The following GABRG3 variants were observed in gnomAD, a reference collection of about 807,000 sequenced individuals.
GABRG3 encodes the protein gamma-aminobutyric acid receptor subunit gamma-3.
GABRG3 carries 25 observed loss-of-function variants against 48.8 expected under a neutral mutation model. That is an observed-to-expected ratio of 0.51 (90% CI 0.37 to 0.72). GABRG3 has a LOEUF of 0.72. Ranked by LOEUF, GABRG3 falls within the 30% of genes least tolerant of loss-of-function variation. The pLI is 0.00. For synonymous variants in GABRG3, 227 were observed against 217.6 expected, an observed-to-expected ratio of 1.04 and a Z score of -0.38; for missense variants, 394 against 577.9, an observed-to-expected ratio of 0.68 and a Z score of 3.26.
chr15:26,986,038 C>G (rs1895145636), intron 2 of GABRG3, among the ~76,000 whole-genome samples: 1 of 152,036 alleles, frequency 6.6e-6, no homozygotes, highest in African/African-American at 2.4e-5. Flanking sequence ...GCCGGACCAC[C>G]CCTCTGACTC....
intron 3 of GABRG3, among the ~76,000 whole-genome samples, chr15:27,250,054 C>G (rs1352465345): frequency 6.6e-6 from 1 of 152,130 alleles, no homozygotes; most frequent in East Asian, 1.9e-4. Flanking sequence ...CCTCCATCCT[C>G]CTGTCTGTTC....
intron 3 of GABRG3, among the ~76,000 whole-genome samples, chr15:27,181,131 C>T (rs1887916970): frequency 1.3e-5 from 2 of 152,130 alleles, no homozygotes; most frequent in Non-Finnish European, 2.9e-5. Context: ...AATGCAGGCA[C>T]CTGTGGGGAG....
At chr15:27,351,910 A>G (rs1894623397) in intron 5 of GABRG3, among the ~76,000 whole-genome samples, 1 of 124,912 alleles carries the variant, frequency 8.0e-6, no homozygotes, top group Admixed American at 8.1e-5. Flanking sequence ...ATGTATGTAT[A>G]GTGTGTGTGT....
chr15:27,177,769 G>A (rs1310528293), intron 3 of GABRG3, among the ~76,000 whole-genome samples: 1 of 152,234 alleles, frequency 6.6e-6, no homozygotes, highest in African/African-American at 2.4e-5. Flanking sequence ...GAGCTGGGCA[G>A]TGGTGAAAGC....
intron 5 of GABRG3, among the ~76,000 whole-genome samples, chr15:27,405,648 A>C (rs538176496): frequency 6.6e-6 from 1 of 152,268 alleles, no homozygotes; most frequent in South Asian, 2.1e-4. Flanking sequence ...ATTTATGAGA[A>C]TCCAAACGTT....
chr15:27,502,895 G>A (rs78251460), intron 6 of GABRG3, among the ~76,000 whole-genome samples: 48 of 152,324 alleles, frequency 3.2e-4, no homozygotes, highest in African/African-American at 1.1e-3. Context: ...ACCTGCATCC[G>A]CACATGGGTG....
chr15:27,403,345 T>A (rs1445673160), intron 5 of GABRG3, among the ~76,000 whole-genome samples: 2 of 152,070 alleles, frequency 1.3e-5, no homozygotes, highest in African/African-American at 2.4e-5. Flanking sequence ...GAGAGAGCAA[T>A]GATGTTGGAA....
At chr15:27,136,995 C>A (rs781391896) in intron 3 of GABRG3, among the ~76,000 whole-genome samples, 6 of 152,176 alleles carry the variant, frequency 3.9e-5, no homozygotes, top group Non-Finnish European at 7.3e-5. Flanking sequence ...GGATGAGATG[C>A]TTCCTTACCT....
chr15:27,131,898 T>A (rs1471346336), intron 3 of GABRG3, among the ~76,000 whole-genome samples: 1 of 152,076 alleles, frequency 6.6e-6, no homozygotes, highest in African/African-American at 2.4e-5. Context: ...TTGAGCATTT[T>A]AAAAATATAT....
intron 5 of GABRG3, among the ~76,000 whole-genome samples, chr15:27,337,283 G>A (rs566912339): frequency 4.6e-5 from 7 of 152,064 alleles, no homozygotes; most frequent in East Asian, 3.9e-4. Context: ...GCAAGCCACC[G>A]ATACAATTTT....
At chr15:27,268,107 C>G (rs11632779) in intron 3 of GABRG3, among the ~76,000 whole-genome samples, 90,095 of 151,920 alleles carry the variant, frequency 0.59, 27,327 homozygotes, top group Non-Finnish European at 0.65. Context: ...GGTGTGTAGA[C>G]AGTAGGTTTT....
chr15:27,379,869 C>A (rs934340271), intron 5 of GABRG3, among the ~76,000 whole-genome samples: 7 of 152,118 alleles, frequency 4.6e-5, no homozygotes. Flanking sequence ...TGATTTACTG[C>A]AGTTTGAATA....
chr15:27,302,741 C>G (rs1281880241), intron 3 of GABRG3, among the ~76,000 whole-genome samples: 2 of 151,816 alleles, frequency 1.3e-5, no homozygotes, highest in Non-Finnish European at 2.9e-5. Flanking sequence ...AAAACAAACT[C>G]CAAAGTTTAA....
At chr15:27,191,972 C>T (rs1888326870) in intron 3 of GABRG3, among the ~76,000 whole-genome samples, 1 of 151,794 alleles carries the variant, frequency 6.6e-6, no homozygotes, top group Non-Finnish European at 1.5e-5. Flanking sequence ...TTTTATTTCT[C>T]CTTCACTTAT....
intron 3 of GABRG3, among the ~76,000 whole-genome samples, chr15:27,309,814 T>C (rs778426191): frequency 3.9e-4 from 59 of 152,186 alleles, no homozygotes; most frequent in Non-Finnish European, 7.5e-4. Flanking sequence ...CATTTCTGGA[T>C]ATTCAGCCTA....
chr15:27,359,465 G>A (rs1894951623), intron 5 of GABRG3, among the ~76,000 whole-genome samples: 1 of 152,152 alleles, frequency 6.6e-6, no homozygotes, highest in South Asian at 2.1e-4. Context: ...TATTTATTCA[G>A]TTCTTTATTT....
intron 3 of GABRG3, among the ~76,000 whole-genome samples, chr15:27,284,895 C>T: frequency 6.6e-6 from 1 of 152,136 alleles, no homozygotes; most frequent in East Asian, 1.9e-4. Flanking sequence ...TATTTTCTTT[C>T]CTCTTTTGGA....
At chr15:27,020,510 C>G (rs529809952) in intron 2 of GABRG3, among the ~76,000 whole-genome samples, 5 of 152,286 alleles carry the variant, frequency 3.3e-5, no homozygotes, top group African/African-American at 1.2e-4. Flanking sequence ...CTCCTGGGTT[C>G]ACGCCATTCT....
Position 27,110,271 on chromosome 15 carries a change from G to A in GABRG3, c.270+83450G>A, listed in dbSNP as rs1234700767. Among the ~76,000 whole-genome samples the A allele has an allele frequency of 5.9e-5, 9 of 152,186 alleles. No individual in the cohort carries two copies. In the East Asian group the frequency reaches 1.5e-3, roughly 26 times the overall value. On this transcript the variant is annotated intron_variant, in intron 3 of 9. Transcript: ENST00000615808. ...TTCAAATAACACTATTCTGCACCATGTATAAACCAGGTACCTTGTAACAGT... is the reference window on the plus strand; with the variant it reads ...TTCAAATAACACTATTCTGCACCATATATAAACCAGGTACCTTGTAACAGT...
Sources: gnomAD v4.1 joint callset for allele counts (sites outside exome capture counted in the v4.1 genomes callset) on GRCh38, gnomAD v4.1.1 for gene constraint, MANE v1.5 for transcripts, NCBI Gene and HGNC (gene_info 2026-07-23, HGNC 2026-07-21) for gene names.